YARS2: variants seen among roughly 807,000 people sequenced by gnomAD.
The protein encoded by YARS2 is tyrosyl-tRNA synthetase 2, also known as tyrosine--tRNA ligase, mitochondrial.
In YARS2, 38 loss-of-function variants were observed where a neutral mutation model predicts 45.0. The ratio of observed to expected loss-of-function variants is 0.84; its 90% CI spans 0.65 to 1.11. The LOEUF (loss-of-function observed/expected upper bound fraction) is 1.11, where lower values mean the gene tolerates loss of function less well. YARS2 is among the 50% of genes least tolerant of loss of function. The pLI, the probability that YARS2 is intolerant of heterozygous loss-of-function variation, is 0.00. For synonymous variants in YARS2, 287 were observed against 245.1 expected, an observed-to-expected ratio of 1.17 and a Z score of -1.60; for missense variants, 602 against 599.8, an observed-to-expected ratio of 1.00 and a Z score of -0.04.
intron 4 of YARS2, among the ~76,000 whole-genome samples, chr12:32,747,844 C>T (rs1023187316): frequency 2.0e-5 from 3 of 152,064 alleles, no homozygotes; most frequent in East Asian, 1.9e-4. Context: ...CCGGAATTTA[C>T]GCCTTGCAAT....
intron 2 of YARS2, 94 bp downstream of exon 2, chr12:32,753,824 C>T: frequency 6.5e-7 from 1 of 1,545,588 alleles, no homozygotes; most frequent in East Asian, 2.2e-5. Context: ...ACGTTAAAAA[C>T]AAAAAAACTA....
At chr12:32,752,416 T>C (rs1955762850) in intron 2 of YARS2, among the ~76,000 whole-genome samples, 1 of 152,176 alleles carries the variant, frequency 6.6e-6, no homozygotes, top group Non-Finnish European at 1.5e-5. Context: ...ATTGTATTTC[T>C]ATACACCAGA....
In YARS2 at chr12:32,753,296, T is replaced by C. The variant is rs191254822; in HGVS notation, c.947+622A>G. On this transcript the variant is annotated intron_variant, in intron 2 of 4. Coordinates refer to ENST00000324868, the MANE Select transcript of YARS2 (RefSeq NM_001040436.3). ...TGTTTCAAAAAATACAAAAAAGAAC[T>C]GATATTATTTTTGTACTATGAATAT... Among the ~76,000 whole-genome samples, 3 of 152,352 alleles carry C rather than the reference T, an allele frequency of 2.0e-5. No homozygotes were observed. The East Asian group carries it at 5.8e-4, about 29-fold the overall frequency.
chr12:32,751,990 A>G (rs1955753547), intron 2 of YARS2, among the ~76,000 whole-genome samples: 1 of 152,138 alleles, frequency 6.6e-6, no homozygotes, highest in Non-Finnish European at 1.5e-5. Flanking sequence ...CACTGCCTTC[A>G]GTATTTAGTA....
chr12:32,750,437 G>A (rs1396058321), intron 3 of YARS2, among the ~76,000 whole-genome samples: 12 of 152,062 alleles, frequency 7.9e-5, no homozygotes, highest in South Asian at 2.1e-4. Flanking sequence ...TCCTGACCTC[G>A]TGATCAGCCC....
intron 1 of YARS2, 63 bp downstream of exon 1, chr12:32,755,033 C>T (rs1955820604): frequency 1.2e-6 from 2 of 1,602,326 alleles, no homozygotes; most frequent in East Asian, 4.5e-5. Flanking sequence ...AAGAGTGAAT[C>T]ACAGGCTACT....
chr12:32,747,193 A>G lies in YARS2; in HGVS notation c.*11T>C, dbSNP rs1294267514. ...GGGTAAGTTTATTTGGACAACCAGA[A>G]GGACTTTTCATCACAACTGAAGCCA... On this transcript the variant is annotated 3_prime_UTR_variant, in exon 5 of 5. Transcript: ENST00000324868. 6.2e-7 allele frequency: 1 copy of G among 1,611,848 alleles called. No individual in the cohort carries two copies. The highest frequency in any genetic ancestry group is 2.2e-5 in the East Asian group (1 of 44,856).
In YARS2 at chr12:32,755,675, C is replaced by A; in HGVS notation, c.200G>T (p.Arg67Leu). The A allele has an allele frequency of 6.2e-7, 1 of 1,614,248 alleles. No individual in the cohort carries two copies. Among genetic ancestry groups the A allele is most frequent in the Non-Finnish European group, 8.5e-7 (1 of 1,180,038 alleles). The change falls in exon 1 of 5, where the codon CGT becomes CTT. Residue 67 changes from arginine to leucine, a missense_variant. By Grantham distance (102) the Arg-to-Leu change is moderately radical. Coordinates refer to ENST00000324868, the MANE Select transcript of YARS2 (RefSeq NM_001040436.3). ...TKIELPELFD[R>L]GTASFPQTIY... ...GGTTTGGGGAAAACTCGCCGTGCCACGGTCGAAGAGCTCTGGGAGCTCTAT... is the reference window on the plus strand; with the variant it reads ...GGTTTGGGGAAAACTCGCCGTGCCAAGGTCGAAGAGCTCTGGGAGCTCTAT...
In YARS2 at chr12:32,755,338, C is replaced by T. The variant is rs1436798324; in HGVS notation, c.537G>A (p.Lys179=). ...TVLDNSAWYQ[K]QHLVDFLAAV... ...CCGCCAGGAAGTCCACCAGGTGCTG[C>T]TTCTGGTACCAGGCCGAGTTGTCCA... is the stretch of plus-strand genomic sequence containing the variant. Residue 179 remains lysine (K), a synonymous_variant, in exon 1 of 5, where the codon AAG becomes AAA. Coordinates refer to ENST00000324868, the MANE Select transcript of YARS2 (RefSeq NM_001040436.3). The T allele has an allele frequency of 4.3e-6, 7 of 1,614,140 alleles. No homozygotes were observed. The South Asian group carries it at 6.6e-5, about 15-fold the overall frequency.
chr12:32,746,975 G>T lies in YARS2; in HGVS notation c.*229C>A, dbSNP rs1955651014. 4.1e-6 allele frequency: 2 copies of T among 489,100 alleles called. No homozygotes were observed. Among genetic ancestry groups the T allele is most frequent in the African/African-American group, 1.9e-5 (1 of 51,334 alleles). 30.3% of individuals were successfully genotyped at this position (489,100 alleles called of 1,614,324 possible). Reference sequence around the variant, plus strand: ...AAAAGAGATTAACCCTGAAAATCATGGTTTTCTATGGTAATCAAGCTTTGT... The same window carrying T: ...AAAAGAGATTAACCCTGAAAATCATTGTTTTCTATGGTAATCAAGCTTTGT... On this transcript the variant is annotated 3_prime_UTR_variant, in exon 5 of 5. Transcript: ENST00000324868.
In YARS2 at chr12:32,754,007, A is replaced by G. The variant is rs1444520209; in HGVS notation, c.858T>C (p.Ala286=). The G allele has an allele frequency of 1.9e-6, 3 of 1,614,218 alleles. No individual in the cohort carries two copies. Among genetic ancestry groups the G allele is most frequent in the South Asian group, 2.2e-5 (2 of 91,080 alleles). ...STTGAKLGKS[A]GNAVWLNRDK... ...CTCTGTTTAGCCAAACAGCGTTGCC[A>G]GCAGACTTTCCCAGCTTTGCTCCAG... Residue 286 remains alanine, a synonymous_variant, in exon 2 of 5, where the codon GCT becomes GCC. Coordinates refer to ENST00000324868, the MANE Select transcript of YARS2 (RefSeq NM_001040436.3).
In YARS2 at chr12:32,755,451, G is replaced by C. The variant is rs771211875; in HGVS notation, c.424C>G (p.Arg142Gly). The C allele has an allele frequency of 6.2e-7, 1 of 1,612,864 alleles. No individual in the cohort carries two copies. Among genetic ancestry groups the C allele is most frequent in the South Asian group, 1.1e-5 (1 of 91,068 alleles). The part of the protein sequence containing the change: ...LETERVRANA[R>G]ALRLGLEALA... ...GCCTCAAGCCCTAGGCGCAGAGCTCGCGCGTTGGCTCGCACGCGCTCTGTC... is the reference window on the plus strand; with the variant it reads ...GCCTCAAGCCCTAGGCGCAGAGCTCCCGCGTTGGCTCGCACGCGCTCTGTC... Residue 142 changes from arginine to glycine, a missense_variant, in exon 1 of 5, where the codon CGA becomes GGA. Transcript: ENST00000324868.
chr12:32,749,732 C>T (rs1269224592), intron 4 of YARS2, among the ~76,000 whole-genome samples: 1 of 151,596 alleles, frequency 6.6e-6, no homozygotes, highest in Non-Finnish European at 1.5e-5. Flanking sequence ...AGGCGCCTGC[C>T]ACCATGCCCG....
Position 32,747,269 on chromosome 12 carries a change from T to C in YARS2, c.1369A>G (p.Asn457Asp). The C allele has an allele frequency of 6.2e-7, 1 of 1,613,992 alleles. No homozygotes were observed. Among genetic ancestry groups the C allele is most frequent in the Non-Finnish European group, 8.5e-7 (1 of 1,179,890 alleles). Residue 457 changes from asparagine (N) to aspartate (D), a missense_variant, in exon 5 of 5, where the codon AAT (asparagine) becomes GAT (aspartate). Asn to Asp is a conservative substitution (Grantham distance 23, BLOSUM62 1). Transcript: ENST00000324868. ...VLIVGQHILK[N>D]GLSLLKIGKR... is the part of the protein sequence containing the mutation. ...CCTATTTTAAGTAAGGAAAGTCCATTCTTGAGAATATGTTGTCCAACAATT... is the reference window on the plus strand; with the variant it reads ...CCTATTTTAAGTAAGGAAAGTCCATCCTTGAGAATATGTTGTCCAACAATT...
intron 4 of YARS2, among the ~76,000 whole-genome samples, chr12:32,749,733 AC>A (rs1214508692): frequency 6.6e-6 from 1 of 151,502 alleles, no homozygotes; most frequent in African/African-American, 2.4e-5. Flanking sequence ...GGCGCCTGCC[AC>A]CATGCCCGGC....
In YARS2 at chr12:32,755,453, G is replaced by GC; in HGVS notation, c.421dup (p.Ala141GlyfsTer9). 6.2e-7 allele frequency: 1 copy of GC among 1,612,724 alleles called. No individual in the cohort carries two copies. Among genetic ancestry groups the GC allele is most frequent in the Non-Finnish European group, 8.5e-7 (1 of 1,179,648 alleles). ...CTCAAGCCCTAGGCGCAGAGCTCGCGCGTTGGCTCGCACGCGCTCTGTCTC... is the reference window on the plus strand; with the variant it reads ...CTCAAGCCCTAGGCGCAGAGCTCGCGCCGTTGGCTCGCACGCGCTCTGTCTC... On this transcript the variant is annotated frameshift_variant, in exon 1 of 5. Coordinates refer to ENST00000324868, the MANE Select transcript of YARS2 (RefSeq NM_001040436.3). LOFTEE classifies it high-confidence loss of function.
intron 2 of YARS2, among the ~76,000 whole-genome samples, chr12:32,752,105 C>A (rs572309927): frequency 6.6e-6 from 1 of 152,032 alleles, no homozygotes. Context: ...GGACACTCTA[C>A]GATATTTGCA....
chr12:32,755,287 C>T lies in YARS2; in HGVS notation c.588G>A (p.Gly196=), dbSNP rs1175805340. ...LAAVGGHFRM[G]TLLSRQSVQL... The stretch of plus-strand genomic sequence containing the variant: ...GCACGCTCTGCCGGCTCAGCAGCGT[C>T]CCCATGCGGAAGTGACCCCCCACTG... Residue 196 remains glycine (G), a synonymous_variant, in exon 1 of 5, where the codon GGG becomes GGA. Transcript: ENST00000324868. The T allele has an allele frequency of 1.2e-6, 2 of 1,614,058 alleles. No individual in the cohort carries two copies. The highest frequency in any genetic ancestry group is 1.1e-5 in the South Asian group (1 of 91,092).
At chr12:32,750,596 C>T in intron 3 of YARS2, 123 bp downstream of exon 3, 2 of 1,296,974 alleles carry the variant, frequency 1.5e-6, no homozygotes, top group South Asian at 1.3e-5. Context: ...TTTTAAATTG[C>T]TAAGTCAAAT....
Sources: allele counts gnomAD v4.1 joint callset (sites outside exome capture counted in the v4.1 genomes callset), GRCh38; gene constraint gnomAD v4.1.1; transcripts MANE v1.5; gene names NCBI Gene and HGNC (gene_info 2026-07-23, HGNC 2026-07-21).